The following FRMD5 variants were observed in gnomAD, a reference collection of about 807,000 sequenced individuals.
The protein encoded by FRMD5 is FERM domain-containing protein 5.
Under a neutral mutation model 69.0 loss-of-function variants are expected in FRMD5, and 20 were observed. The observed-to-expected ratio is 0.29, with a 90% CI of 0.20 to 0.42. FRMD5 has a LOEUF of 0.42. FRMD5 is among the 10% of genes least tolerant of loss of function. The pLI, the probability that FRMD5 is intolerant of heterozygous loss-of-function variation, is 1.00. For missense variants in FRMD5, 595 were observed against 708.6 expected, an observed-to-expected ratio of 0.84 and a Z score of 1.82; for synonymous variants, 271 against 260.1, an observed-to-expected ratio of 1.04 and a Z score of -0.40.
chr15:43,998,943 A>C (rs1890060799), intron 1 of FRMD5, among the ~76,000 whole-genome samples: 1 of 152,260 alleles, frequency 6.6e-6, no homozygotes, highest in African/African-American at 2.4e-5. Flanking sequence ...CTGGCAAGCA[A>C]GCACCAAAAC....
At chr15:44,128,243 G>A (rs1436422957) in intron 1 of FRMD5, among the ~76,000 whole-genome samples, 1 of 152,128 alleles carries the variant, frequency 6.6e-6, no homozygotes, top group Non-Finnish European at 1.5e-5. Context: ...ACTTTGGGAG[G>A]CCGAGGCGGG....
chr15:44,140,452 C>T (rs966548030), intron 1 of FRMD5, among the ~76,000 whole-genome samples: 1 of 151,954 alleles, frequency 6.6e-6, no homozygotes, highest in Non-Finnish European at 1.5e-5. Flanking sequence ...TACCCGTTAC[C>T]ACCACTTCTA....
chr15:44,193,646 T>C (rs570978010), intron 1 of FRMD5, among the ~76,000 whole-genome samples: 36 of 152,180 alleles, frequency 2.4e-4, no homozygotes, highest in Admixed American at 1.5e-3. Flanking sequence ...CCCTCATGGA[T>C]CTTTGGCAGC....
intron 1 of FRMD5, among the ~76,000 whole-genome samples, chr15:44,024,787 T>C (rs1330869902): frequency 6.6e-6 from 1 of 152,202 alleles, no homozygotes; most frequent in African/African-American, 2.4e-5. Context: ...ATCCATAAAA[T>C]GTAAATAAAA....
intron 7 of FRMD5, among the ~76,000 whole-genome samples, chr15:43,897,416 G>A (rs2140386723): frequency 6.7e-6 from 1 of 149,516 alleles, no homozygotes; most frequent in East Asian, 2.0e-4. Flanking sequence ...GAACCCGGGA[G>A]GCAGAGGTTG....
intron 1 of FRMD5, among the ~76,000 whole-genome samples, chr15:43,993,776 CTATATG>C (rs1889797176): frequency 6.6e-6 from 1 of 152,130 alleles, no homozygotes; most frequent in South Asian, 2.1e-4. Context: ...GTTGGTGCAT[CTATATG>C]TATAATTGTT....
intron 1 of FRMD5, among the ~76,000 whole-genome samples, chr15:44,002,888 C>G (rs549167209): frequency 2.0e-5 from 3 of 152,238 alleles, no homozygotes; most frequent in South Asian, 2.1e-4. Flanking sequence ...TAGTCTCCCC[C>G]CTTTCCATAC....
intron 1 of FRMD5, among the ~76,000 whole-genome samples, chr15:43,957,801 TTTATTC>T (rs1395011376): frequency 6.6e-6 from 1 of 152,186 alleles, no homozygotes; most frequent in East Asian, 1.9e-4. Flanking sequence ...CCAGTCTGCT[TTTATTC>T]TTAATCATTT....
At chr15:44,154,467 C>G (rs1206564215) in intron 1 of FRMD5, among the ~76,000 whole-genome samples, 1 of 152,086 alleles carries the variant, frequency 6.6e-6, no homozygotes, top group East Asian at 1.9e-4. Context: ...GGCACCAAAG[C>G]TTTTACTTTG....
chr15:43,965,177 C>T (rs2090272752), intron 1 of FRMD5, among the ~76,000 whole-genome samples: 1 of 152,114 alleles, frequency 6.6e-6, no homozygotes, highest in Non-Finnish European at 1.5e-5. Context: ...AGTACAGAGG[C>T]AGGGCTTGAA....
chr15:44,114,756 T>C (rs1012505972), intron 1 of FRMD5, among the ~76,000 whole-genome samples: 2 of 152,214 alleles, frequency 1.3e-5, no homozygotes, highest in Non-Finnish European at 2.9e-5. Context: ...TTCATAATAC[T>C]TTAAAATAAT....
intron 1 of FRMD5, among the ~76,000 whole-genome samples, chr15:44,181,664 T>C (rs1427961992): frequency 6.6e-6 from 1 of 152,100 alleles, no homozygotes; most frequent in South Asian, 2.1e-4. Context: ...CACTTTGGGA[T>C]GTTGACGTGG....
intron 1 of FRMD5, among the ~76,000 whole-genome samples, chr15:44,145,217 T>C (rs545176230): frequency 6.6e-6 from 1 of 152,256 alleles, no homozygotes; most frequent in Admixed American, 6.5e-5. Flanking sequence ...AGCTGGCAGA[T>C]AGCAAAACTG....
intron 1 of FRMD5, among the ~76,000 whole-genome samples, chr15:44,164,265 T>C (rs1374503320): frequency 1.3e-5 from 2 of 152,378 alleles, no homozygotes; most frequent in African/African-American, 2.4e-5. Flanking sequence ...TACATTCTAA[T>C]AGTGTACTAT....
At chr15:43,969,695 C>A (rs959184043) in intron 1 of FRMD5, among the ~76,000 whole-genome samples, 1 of 152,122 alleles carries the variant, frequency 6.6e-6, no homozygotes, top group African/African-American at 2.4e-5. Context: ...AATAACAGCC[C>A]TGAGAGGACT....
intron 1 of FRMD5, among the ~76,000 whole-genome samples, chr15:43,932,736 G>A (rs183149372): frequency 6.6e-6 from 1 of 152,334 alleles, no homozygotes; most frequent in Admixed American, 6.5e-5. Context: ...TGTAGCATTA[G>A]ACTCTTCCCC....
chr15:44,124,175 T>A (rs1005385056), intron 1 of FRMD5, among the ~76,000 whole-genome samples: 7 of 151,748 alleles, frequency 4.6e-5, no homozygotes, highest in African/African-American at 1.7e-4. Context: ...GTATTTTTAG[T>A]AGAGATGGGG....
intron 1 of FRMD5, among the ~76,000 whole-genome samples, chr15:43,957,135 G>C (rs2090127405): frequency 6.6e-6 from 1 of 152,102 alleles, no homozygotes; most frequent in African/African-American, 2.4e-5. Flanking sequence ...CTTGTTTACA[G>C]ATGTGAGAAC....
chr15:44,191,671 G>A (rs1474305159), intron 1 of FRMD5, among the ~76,000 whole-genome samples: 1 of 151,560 alleles, frequency 6.6e-6, no homozygotes, highest in Non-Finnish European at 1.5e-5. Flanking sequence ...CTACTTGGGA[G>A]GCTGAGGCGA....
Sources: gnomAD v4.1 joint callset for allele counts (sites outside exome capture counted in the v4.1 genomes callset) on GRCh38, gnomAD v4.1.1 for gene constraint, MANE v1.5 for transcripts, NCBI Gene and HGNC (gene_info 2026-07-23, HGNC 2026-07-21) for gene names.